Variants in DAAM1 observed in about 807,000 individuals in gnomAD.
DAAM1 encodes disheveled-associated activator of morphogenesis 1.
In DAAM1, 52 loss-of-function variants were observed where a neutral mutation model predicts 130.0. The observed-to-expected ratio is 0.40, with a 90% CI of 0.32 to 0.50. The LOEUF is 0.50. Among genes scored for constraint, DAAM1 ranks in the 20% least tolerant of loss-of-function variants. DAAM1 has a pLI of 0.61. For missense variants in DAAM1, 1,134 were observed against 1,303.8 expected (o/e 0.87, Z 2.01); for synonymous variants, 452 against 444.5 (o/e 1.02, Z -0.21).
At chr14:59,288,831 AG>A (rs902268883) in intron 2 of DAAM1, among the ~76,000 whole-genome samples, 3 of 44,282 alleles carry the variant, frequency 6.8e-5, no homozygotes, top group Admixed American at 2.8e-4. Flanking sequence ...CTGTGATAGC[AG>A]GAGAGAGAGA....
intron 2 of DAAM1, among the ~76,000 whole-genome samples, chr14:59,289,784 A>ATATATATATATATACATATAT: frequency 7.8e-6 from 1 of 128,768 alleles, no homozygotes; most frequent in African/African-American, 2.9e-5. Context: ...ATATATATAT[A>ATATATATATATATACATATAT]ATGGAATGCT....
chr14:59,340,231 T>C, intron 16 of DAAM1, 51 bp downstream of exon 16: 1 of 1,560,172 alleles, frequency 6.4e-7, no homozygotes, highest in Non-Finnish European at 8.8e-7. Flanking sequence ...ATTTCCATTC[T>C]GTGGCTCAAA....
At chr14:59,337,309 G>A (rs1885665575) in intron 15 of DAAM1, among the ~76,000 whole-genome samples, 1 of 152,188 alleles carries the variant, frequency 6.6e-6, no homozygotes, top group Non-Finnish European at 1.5e-5. Context: ...GGATATCAGA[G>A]GAGTATCCAT....
intron 1 of DAAM1, among the ~76,000 whole-genome samples, chr14:59,213,485 G>C (rs559238753): frequency 6.6e-5 from 10 of 152,128 alleles, no homozygotes; most frequent in African/African-American, 1.9e-4. Flanking sequence ...TGAGGACTCT[G>C]ATTGTCTGAC....
intron 1 of DAAM1, among the ~76,000 whole-genome samples, chr14:59,230,293 A>G (rs1219537804): frequency 6.9e-6 from 1 of 144,982 alleles, no homozygotes; most frequent in Non-Finnish European, 1.5e-5. Context: ...GAGGGGGGTG[A>G]TGCTTAGAGG....
chr14:59,300,939 C>G (rs748378015), intron 3 of DAAM1, among the ~76,000 whole-genome samples: 5 of 152,068 alleles, frequency 3.3e-5, no homozygotes, highest in Non-Finnish European at 5.9e-5. Flanking sequence ...TGCATATGTT[C>G]AAGAGTTTAT....
At chr14:59,197,611 G>T (rs1214802750) in intron 1 of DAAM1, among the ~76,000 whole-genome samples, 1 of 152,230 alleles carries the variant, frequency 6.6e-6, no homozygotes, top group African/African-American at 2.4e-5. Context: ...TAGGAACTGT[G>T]GCAGGAAACT....
intron 2 of DAAM1, among the ~76,000 whole-genome samples, chr14:59,266,771 C>T (rs183997976): frequency 6.6e-6 from 1 of 152,338 alleles, no homozygotes; most frequent in East Asian, 1.9e-4. Flanking sequence ...AGCAATTCTG[C>T]CTCTGGCCTG....
chr14:59,335,671 G>C (rs56319421), intron 15 of DAAM1, among the ~76,000 whole-genome samples: 32,498 of 151,806 alleles, frequency 0.21, 3,546 homozygotes, highest in African/African-American at 0.25. Flanking sequence ...TTTGCTTGAG[G>C]ACAGCCCTTC....
chr14:59,263,627 G>A lies in DAAM1; in HGVS notation c.150G>A (p.Val50=), dbSNP rs1311191457. Residue 50 remains valine (V), a synonymous_variant, in exon 2 of 25, where the codon GTG becomes GTA. Coordinates refer to ENST00000360909, the MANE Select transcript of DAAM1 (RefSeq NM_001270520.2). The part of the protein sequence containing the change: ...TMEPALPMPP[V]EELDVMFSEL... The stretch of plus-strand genomic sequence containing the variant: ...AACCAGCATTGCCCATGCCCCCTGT[G>A]GAGGAGCTGGATGTCATGTTCAGTG... 2 of 1,614,198 alleles carry A rather than the reference G, an allele frequency of 1.2e-6. No homozygotes were observed. The highest frequency in any genetic ancestry group is 2.2e-5 in the South Asian group (2 of 91,088).
chr14:59,232,757 A>T (rs1297607353), intron 1 of DAAM1, among the ~76,000 whole-genome samples: 1 of 151,784 alleles, frequency 6.6e-6, no homozygotes, highest in Non-Finnish European at 1.5e-5. Context: ...TGAGTCCTGC[A>T]TGCACTAGTG....
At chr14:59,318,275 C>T (rs1017443716) in intron 4 of DAAM1, among the ~76,000 whole-genome samples, 7 of 151,734 alleles carry the variant, frequency 4.6e-5, no homozygotes, top group Admixed American at 2.0e-4. Flanking sequence ...ACGATTCAAA[C>T]GGGAGCTAAG....
At chr14:59,313,600 A>C (rs1041591272) in intron 3 of DAAM1, among the ~76,000 whole-genome samples, 15 of 152,192 alleles carry the variant, frequency 9.9e-5, no homozygotes, top group African/African-American at 3.1e-4. Context: ...AATTTGCCCT[A>C]CTTTGGGGGA....
intron 3 of DAAM1, among the ~76,000 whole-genome samples, chr14:59,294,247 C>G (rs1279644452): frequency 6.6e-6 from 1 of 152,214 alleles, no homozygotes; most frequent in Non-Finnish European, 1.5e-5. Flanking sequence ...CTTGGCTCAG[C>G]CCAGTGTCTG....
chr14:59,198,134 G>A (rs746817064), intron 1 of DAAM1, among the ~76,000 whole-genome samples: 33 of 151,998 alleles, frequency 2.2e-4, no homozygotes, highest in Non-Finnish European at 4.3e-4. Context: ...CGTACACTCG[G>A]GGACATTCAC....
At position 59,371,279 on chromosome 14, in the gene DAAM1, A is replaced by AT. The variant is rs1481577811; in HGVS notation, c.*2420_*2421insT. 3.9e-5 allele frequency: 6 copies of AT among 152,198 alleles called. No individual in the cohort carries two copies. Among genetic ancestry groups the AT allele is most frequent in the African/African-American group, 1.4e-4 (6 of 41,534 alleles). 9.4% of individuals were successfully genotyped at this position (152,198 alleles called of 1,614,324 possible). On this transcript the variant is annotated 3_prime_UTR_variant, in exon 25 of 25. Coordinates refer to ENST00000360909, the MANE Select transcript of DAAM1 (RefSeq NM_001270520.2). ...TCTTATTAGCTTAGTAGTTGGAACCACTTAGTCTTTAGGTGCAAGACTGTT... is the reference window on the plus strand; with the variant it reads ...TCTTATTAGCTTAGTAGTTGGAACCATCTTAGTCTTTAGGTGCAAGACTGTT...
rs536069137 is a variant in DAAM1, at chr14:59,205,275, T to C, written c.-38+16507T>C. ...ATAAACAGTGTGTATTGGCAAAATTTATTAGGTCCATGTATATAGAGATAT... is the reference window on the plus strand; with the variant it reads ...ATAAACAGTGTGTATTGGCAAAATTCATTAGGTCCATGTATATAGAGATAT... On this transcript the variant is annotated intron_variant, in intron 1 of 24. Coordinates refer to ENST00000360909, the MANE Select transcript of DAAM1 (RefSeq NM_001270520.2). Among the ~76,000 whole-genome samples, 6 of 152,348 alleles carry C rather than the reference T, an allele frequency of 3.9e-5. No homozygotes were observed. In the South Asian group the frequency reaches 1.2e-3, roughly 32 times the overall value.
intron 3 of DAAM1, among the ~76,000 whole-genome samples, chr14:59,310,170 G>C (rs1038739627): frequency 6.6e-6 from 1 of 150,618 alleles, no homozygotes; most frequent in Non-Finnish European, 1.5e-5. Flanking sequence ...GAGTGCAGTG[G>C]TGCGATCTCG....
At chr14:59,344,805 G>A (rs1334308387) in intron 16 of DAAM1, among the ~76,000 whole-genome samples, 1 of 152,168 alleles carries the variant, frequency 6.6e-6, no homozygotes, top group African/African-American at 2.4e-5. Context: ...CATATGGGGA[G>A]CTAATGAAAT....
Sources: gnomAD v4.1 joint callset for allele counts (sites outside exome capture counted in the v4.1 genomes callset) on GRCh38, gnomAD v4.1.1 for gene constraint, MANE v1.5 for transcripts, NCBI Gene and HGNC (gene_info 2026-07-23, HGNC 2026-07-21) for gene names.